ATP5PB: variants seen among roughly 807,000 people sequenced by gnomAD.
ATP5PB encodes ATP synthase peripheral stalk subunit b, mitochondrial.
In ATP5PB, 21 loss-of-function variants were observed where a neutral mutation model predicts 34.5. That is an observed-to-expected ratio of 0.61 (90% CI 0.43 to 0.88). The LOEUF (loss-of-function observed/expected upper bound fraction) is 0.88. ATP5PB is among the 40% of genes least tolerant of loss of function. The pLI, the probability that ATP5PB is intolerant of heterozygous loss-of-function variation, is 0.00. For missense variants in ATP5PB, 293 were observed against 317.4 expected (o/e 0.92, Z 0.58); for synonymous variants, 108 against 114.1 (o/e 0.95, Z 0.34).
At position 111,456,242 on chromosome 1, in the gene ATP5PB, T is replaced by G. The variant is rs1653469840; in HGVS notation, c.380T>G (p.Leu127Arg). Residue 127 changes from leucine (L) to arginine (R), a missense_variant, in exon 4 of 7, where the codon CTC (leucine) becomes CGC (arginine). By Grantham distance (102) the Leu-to-Arg change is moderately radical. Coordinates refer to ENST00000369722, the MANE Select transcript of ATP5PB (RefSeq NM_001688.5). ...TTTGTTGCAGACTTTGCTGATAAACTCAATGAGGTAAGAACCATAAACTTT... is the reference window on the plus strand; with the variant it reads ...TTTGTTGCAGACTTTGCTGATAAACGCAATGAGGTAAGAACCATAAACTTT... ...GPFVADFADK[L>R]NEQKLAQLEE... The G allele has an allele frequency of 1.9e-6, 3 of 1,601,964 alleles. No individual in the cohort carries two copies. The highest frequency in any genetic ancestry group is 2.6e-6 in the Non-Finnish European group (3 of 1,175,426).
chr1:111,458,287 CTTGAGCCCAGGAAT>C (rs1163802820), intron 5 of ATP5PB, among the ~76,000 whole-genome samples: 1 of 152,192 alleles, frequency 6.6e-6, no homozygotes, highest in Non-Finnish European at 1.5e-5. Flanking sequence ...GGGAGGATCA[CTTGAGCCCAGGAAT>C]TTGAGACCAG....
intron 5 of ATP5PB, among the ~76,000 whole-genome samples, chr1:111,458,023 T>C (rs1653521910): frequency 6.6e-6 from 1 of 152,222 alleles, no homozygotes; most frequent in Admixed American, 6.5e-5. Flanking sequence ...TAGATATTTA[T>C]TGAGTTCTTC....
At chr1:111,450,688 C>A (rs1049312319) in intron 2 of ATP5PB, among the ~76,000 whole-genome samples, 2 of 152,120 alleles carry the variant, frequency 1.3e-5, no homozygotes, top group Admixed American at 6.5e-5. Context: ...CTTTTTACTT[C>A]CAAACTTAGT....
chr1:111,451,944 A>G lies in ATP5PB; in HGVS notation c.77+2071A>G, dbSNP rs191284501. Among the ~76,000 whole-genome samples, 181 of 152,214 alleles carry G rather than the reference A, an allele frequency of 1.2e-3. 1 individual carries two copies. The highest frequency in any genetic ancestry group is 4.1e-3 in the African/African-American group (169 of 41,540). On this transcript the variant is annotated intron_variant, in intron 2 of 6. Coordinates refer to ENST00000369722, the MANE Select transcript of ATP5PB (RefSeq NM_001688.5). ...GGGCAACATAGACAAAAACAAAACA[A>G]CAAAAATTTTTAAAAATTTTTTAAA... is the stretch of plus-strand genomic sequence containing the variant.
At chr1:111,450,588 T>G (rs1279250536) in intron 2 of ATP5PB, among the ~76,000 whole-genome samples, 1 of 152,218 alleles carries the variant, frequency 6.6e-6, no homozygotes, top group Admixed American at 6.5e-5. Context: ...TCAAAAACAG[T>G]TCTTGGTACA....
intron 1 of ATP5PB, 62 bp from the exon 2 acceptor site, chr1:111,449,775 G>T (rs534647797): frequency 1.2e-6 from 2 of 1,611,268 alleles, no homozygotes; most frequent in Admixed American, 1.7e-5. Context: ...CCTGGCGGGG[G>T]TAAGGAAAGG....
rs1235870325 is a variant in ATP5PB at position 111,462,266 on chromosome 1, TC to T, written c.*1273del. Reference sequence around the variant, plus strand: ...CCATGCAATGGAATATTATTCCACTTCAAGGAAGAAAATTCTGACACTGGCT... The same window carrying T: ...CCATGCAATGGAATATTATTCCACTTAAGGAAGAAAATTCTGACACTGGCT... On this transcript the variant is annotated 3_prime_UTR_variant, in exon 7 of 7. Coordinates refer to ENST00000369722, the MANE Select transcript of ATP5PB (RefSeq NM_001688.5). The T allele has an allele frequency of 2.0e-5, 3 of 152,224 alleles. No homozygotes were observed. The highest frequency in any genetic ancestry group is 4.8e-5 in the African/African-American group (2 of 41,450). 9.4% of individuals were successfully genotyped at this position (152,224 alleles called of 1,614,324 possible).
intron 6 of ATP5PB, among the ~76,000 whole-genome samples, chr1:111,459,924 G>C (rs1193936197): frequency 6.6e-6 from 1 of 152,188 alleles, no homozygotes; most frequent in African/African-American, 2.4e-5. Context: ...CAACACTTTG[G>C]AAGGGCGAGG....
At position 111,449,873 on chromosome 1, in the gene ATP5PB, G is replaced by A. The variant is rs1426286972; in HGVS notation, c.77G>A (p.Gly26Glu). The stretch of plus-strand genomic sequence containing the variant: ...AAGAATGCAGCCTTCCTAGGTCCAG[G>A]GTAAGTGTGAGGATAATGCTCCCTT... ...SLKNAAFLGP[G>E]VLQATRTFHT... is the part of the protein sequence containing the mutation. Residue 26 changes from glycine (G) to glutamate (E), a missense_variant and splice_region_variant, in exon 2 of 7, where the codon GGG becomes GAG. Transcript: ENST00000369722. 2 of 1,614,078 alleles carry A rather than the reference G, an allele frequency of 1.2e-6. No homozygotes were observed. The highest frequency in any genetic ancestry group is 1.7e-5 in the Admixed American group (1 of 60,010).
chr1:111,456,227 A>C lies in ATP5PB; in HGVS notation c.365A>C (p.Asp122Ala), dbSNP rs572819940. Reference sequence around the variant, plus strand: ...AAAAAATATGGTCCCTTTGTTGCAGACTTTGCTGATAAACTCAATGAGGTA... The same window carrying C: ...AAAAAATATGGTCCCTTTGTTGCAGCCTTTGCTGATAAACTCAATGAGGTA... ...GIKKYGPFVA[D>A]FADKLNEQKL... The change falls in exon 4 of 7, where the codon GAC (aspartate) becomes GCC (alanine). Residue 122 changes from aspartate (D) to alanine (A), a missense_variant. Asp to Ala is a moderately radical substitution (Grantham distance 126). Transcript: ENST00000369722. 1 of 1,604,066 alleles carries C rather than the reference A, an allele frequency of 6.2e-7. No individual in the cohort carries two copies. The highest frequency in any genetic ancestry group is 1.3e-5 in the African/African-American group (1 of 74,462).
chr1:111,459,878 G>C (rs1214385956), intron 6 of ATP5PB, among the ~76,000 whole-genome samples: 2 of 152,104 alleles, frequency 1.3e-5, no homozygotes, highest in African/African-American at 4.8e-5. Context: ...CTATAAAATA[G>C]ACTGGGCTGG....
chr1:111,459,367 A>G, intron 5 of ATP5PB, 90 bp from the exon 6 acceptor site: 1 of 1,235,094 alleles, frequency 8.1e-7, no homozygotes, highest in Non-Finnish European at 1.1e-6. Context: ...AATACAAAAG[A>G]AGTGGGCATT....
chr1:111,449,672 A>G, intron 1 of ATP5PB, 91 bp downstream of exon 1: 1 of 1,548,604 alleles, frequency 6.5e-7, no homozygotes, highest in South Asian at 1.2e-5. Context: ...GCGCAGCGAC[A>G]CGGGCCTGAG....
chr1:111,456,283 C>A, intron 4 of ATP5PB, 34 bp downstream of exon 4: 1 of 1,529,730 alleles, frequency 6.5e-7, no homozygotes, highest in South Asian at 1.3e-5. Flanking sequence ...CTATTTTAGA[C>A]TAGCAGAAAC....
intron 3 of ATP5PB, among the ~76,000 whole-genome samples, chr1:111,455,043 T>C (rs1437520709): frequency 6.6e-6 from 1 of 152,196 alleles, no homozygotes; most frequent in African/African-American, 2.4e-5. Context: ...AATGAAGCCA[T>C]GTAAGGCAAG....
At chr1:111,459,154 A>C (rs1454961539) in intron 5 of ATP5PB, among the ~76,000 whole-genome samples, 2 of 152,194 alleles carry the variant, frequency 1.3e-5, no homozygotes, top group African/African-American at 4.8e-5. Flanking sequence ...AGTGATGTGT[A>C]TATGCCTATA....
Position 111,462,392 on chromosome 1 carries a change from G to A in ATP5PB, c.*1398G>A, listed in dbSNP as rs916728533. The A allele has an allele frequency of 7.9e-5, 12 of 152,164 alleles. No individual in the cohort carries two copies. The highest frequency in any genetic ancestry group is 7.9e-4 in the Admixed American group (12 of 15,280). The allele number at this position is 152,164 out of a possible 1,614,324, so 9.4% of individuals were successfully genotyped here. On this transcript the variant is annotated 3_prime_UTR_variant, in exon 7 of 7. Coordinates refer to ENST00000369722, the MANE Select transcript of ATP5PB (RefSeq NM_001688.5). ...GCACATTAAGGATGTATTTAATACTGTTCTTAAATGGTACACTTAAAAATG... is the reference window on the plus strand; with the variant it reads ...GCACATTAAGGATGTATTTAATACTATTCTTAAATGGTACACTTAAAAATG...
In ATP5PB at chr1:111,449,687, G is replaced by A. The variant is rs529093031; in HGVS notation, c.40+106G>A. 8.0e-5 allele frequency: 123 copies of A among 1,543,682 alleles called. 2 individuals are homozygous for A. The highest frequency in any genetic ancestry group is 7.3e-4 in the Middle Eastern group (4 of 5,488). ...GCGCAGCGACACGGGCCTGAGAGGC[G>A]AGTGGTCAGTGCAGTTCGGAAGGGA... is the stretch of plus-strand genomic sequence containing the variant. On this transcript the variant is annotated intron_variant, in intron 1 of 6. Coordinates refer to ENST00000369722, the MANE Select transcript of ATP5PB (RefSeq NM_001688.5).
In ATP5PB at chr1:111,460,939, G is replaced by T; in HGVS notation, c.716G>T (p.Cys239Phe). 6.2e-7 allele frequency: 1 copy of T among 1,613,404 alleles called. No homozygotes were observed. The highest frequency in any genetic ancestry group is 8.5e-7 in the Non-Finnish European group (1 of 1,179,740). The change falls in exon 7 of 7, where the codon TGC (cysteine) becomes TTC (phenylalanine). Residue 239 changes from cysteine (C) to phenylalanine (F), a missense_variant. Coordinates refer to ENST00000369722, the MANE Select transcript of ATP5PB (RefSeq NM_001688.5). ...CAGGAAAAGGAGACAATTGCCAAGT[G>T]CATTGCGGACCTAAAGCTGCTGGCA... ...TQQEKETIAK[C>F]IADLKLLAKK... is the part of the protein sequence containing the mutation.
Sources: gnomAD v4.1 joint callset for allele counts (sites outside exome capture counted in the v4.1 genomes callset) on GRCh38, gnomAD v4.1.1 for gene constraint, MANE v1.5 for transcripts, NCBI Gene and HGNC (gene_info 2026-07-23, HGNC 2026-07-21) for gene names.